The following FGF13 variants were observed in gnomAD, a reference collection of about 807,000 sequenced individuals.
FGF13 encodes fibroblast growth factor 13.
A neutral mutation model predicts 19.5 loss-of-function variants in FGF13; 2 were observed. That is an observed-to-expected ratio of 0.10 (90% CI 0.04 to 0.32). The LOEUF (loss-of-function observed/expected upper bound fraction) is 0.32, where lower values mean the gene tolerates loss of function less well. Among genes scored for constraint, FGF13 ranks in the 10% least tolerant of loss-of-function variants. The pLI is 1.00. For missense variants in FGF13, 113 were observed against 192.7 expected, an observed-to-expected ratio of 0.59 and a Z score of 2.45; for synonymous variants, 72 against 76.9, an observed-to-expected ratio of 0.94 and a Z score of 0.33.
chrX:138,664,877 C>T (rs2089525418), intron 3 of FGF13, among the ~76,000 whole-genome samples: 1 of 111,144 alleles, frequency 9.0e-6, no homozygotes, highest in Admixed American at 9.6e-5. Context: ...AGGAAGTTCC[C>T]TTCTCATCCT....
At chrX:139,172,179 T>G (rs1211556407) in intron 1 of FGF13, among the ~76,000 whole-genome samples, 1 of 112,117 alleles carries the variant, frequency 8.9e-6, no homozygotes. Context: ...TCCCATATAC[T>G]TTCACAAATA....
At chrX:138,791,229 A>T in intron 3 of FGF13, among the ~76,000 whole-genome samples, 1 of 111,901 alleles carries the variant, frequency 8.9e-6, no homozygotes, top group Non-Finnish European at 1.9e-5. Flanking sequence ...TAAATACCAC[A>T]CCATCTTATA....
In FGF13 at chrX:138,996,277, C is replaced by G. The variant is rs767166494; in HGVS notation, c.-112-131627G>C. On this transcript the variant is annotated intron_variant, in intron 1 of 2. Coordinates refer to the FGF13 transcript ENST00000421460. ...AGTTGGGGGATTTCCCTTTCCTACCCAAGGGAAGCCGTGAGAGACTTCCAG... is the reference window on the plus strand; with the variant it reads ...AGTTGGGGGATTTCCCTTTCCTACCGAAGGGAAGCCGTGAGAGACTTCCAG... Among the ~76,000 whole-genome samples, 11 of 112,420 alleles carry G rather than the reference C, an allele frequency of 9.8e-5. No homozygotes were observed. In the South Asian group the frequency reaches 4.1e-3, roughly 42 times the overall value.
intron 1 of FGF13, among the ~76,000 whole-genome samples, chrX:139,026,778 G>A (rs1487287426): frequency 8.9e-6 from 1 of 111,922 alleles, no homozygotes; most frequent in Non-Finnish European, 1.9e-5. Flanking sequence ...AACCTTTGTT[G>A]CTGCTCCAAC....
chrX:139,175,114 C>A lies in FGF13; in HGVS notation c.-113+28302G>T, dbSNP rs1345433787. 8.1e-5 allele frequency among the ~76,000 whole-genome samples: 9 copies of A among 111,520 alleles called. No homozygotes were observed. The Admixed American group carries it at 8.6e-4, about 11-fold the overall frequency. ...TTCTCCTTGAAGAGGTCCTTCACAT[C>A]CCTTGTAAGTTGGATTCCTAGGTAT... On this transcript the variant is annotated intron_variant, in intron 1 of 2. Transcript: ENST00000421460.
chrX:139,000,889 C>A (rs1418945999), intron 1 of FGF13, among the ~76,000 whole-genome samples: 1 of 111,755 alleles, frequency 8.9e-6, no homozygotes, highest in Non-Finnish European at 1.9e-5. Flanking sequence ...CAATCCTAAG[C>A]CAAAAGAACA....
intron 3 of FGF13, among the ~76,000 whole-genome samples, chrX:138,761,685 A>AT (rs2090467788): frequency 8.9e-6 from 1 of 111,860 alleles, no homozygotes; most frequent in Non-Finnish European, 1.9e-5. Context: ...TGTTTGCCCC[A>AT]TATGTCCACC....
At chrX:138,814,431 G>GA (rs895608886) in intron 3 of FGF13, among the ~76,000 whole-genome samples, 6 of 108,396 alleles carry the variant, frequency 5.5e-5, no homozygotes, top group Admixed American at 9.9e-5. Flanking sequence ...CTATGGAATG[G>GA]AAAAAAAAAT....
chrX:138,831,204 G>A (rs947960503), intron 3 of FGF13, among the ~76,000 whole-genome samples: 1 of 111,918 alleles, frequency 8.9e-6, no homozygotes, highest in African/African-American at 3.3e-5. Context: ...ATATTTCAAA[G>A]GATGTTGTGG....
At chrX:138,761,799 G>A (rs2090468548) in intron 3 of FGF13, among the ~76,000 whole-genome samples, 4 of 111,249 alleles carry the variant, frequency 3.6e-5, no homozygotes. Flanking sequence ...TGACTTTCCT[G>A]ACTCTGCATT....
chrX:139,112,641 C>T lies in FGF13; in HGVS notation c.-113+90775G>A, dbSNP rs147855659. ...GCTCTACAACTTACTAGCTACATAA[C>T]CCTTGGCAAGCTGCTTCGCTTTACC... On this transcript the variant is annotated intron_variant, in intron 1 of 2. Coordinates refer to the FGF13 transcript ENST00000421460. Among the ~76,000 whole-genome samples the T allele has an allele frequency of 8.6e-3, 958 of 111,711 alleles. 13 individuals carry two copies. The highest frequency in any genetic ancestry group is 0.028 in the African/African-American group (875 of 30,726).
chrX:139,055,557 G>C (rs751796198), intron 1 of FGF13, among the ~76,000 whole-genome samples: 81 of 112,412 alleles, frequency 7.2e-4, no homozygotes, highest in African/African-American at 2.6e-3. Flanking sequence ...GATGTCTATG[G>C]TGTTAGCTAT....
chrX:138,869,757 A>G (rs1265521994), intron 1 of FGF13, among the ~76,000 whole-genome samples: 3 of 112,369 alleles, frequency 2.7e-5, no homozygotes, highest in African/African-American at 9.7e-5. Context: ...CCATTAAACA[A>G]TTCTAATAGA....
At chrX:139,162,733 A>T (rs910830632) in intron 1 of FGF13, among the ~76,000 whole-genome samples, 1 of 112,424 alleles carries the variant, frequency 8.9e-6, no homozygotes, top group Non-Finnish European at 1.9e-5. Context: ...TGGGCAAAAG[A>T]TATGAACAGA....
chrX:138,861,199 G>A (rs1246803847), intron 2 of FGF13, among the ~76,000 whole-genome samples: 3 of 112,171 alleles, frequency 2.7e-5, no homozygotes, highest in African/African-American at 6.5e-5. Context: ...CAGTCAGGGA[G>A]CAGTCATGGT....
chrX:138,929,306 C>T lies in FGF13; in HGVS notation c.-112-64656G>A, dbSNP rs768615917. 2.8e-5 allele frequency among the ~76,000 whole-genome samples: 3 copies of T among 108,235 alleles called. No homozygotes were observed. The South Asian group carries it at 1.2e-3, about 44-fold the overall frequency. The allele number at this position is 108,235 out of a possible 115,157, so 94.0% of individuals were successfully genotyped here. A position where few individuals can be genotyped will look rare whatever the true frequency, so the allele number is the denominator to read the frequency against. On this transcript the variant is annotated intron_variant, in intron 1 of 2. Coordinates refer to the FGF13 transcript ENST00000421460. ...GTGTTTAGTGTGGAGAAGAGATAAG[C>T]TTGAAGTGGTCTTTGAAGCAGCAAC...
At chrX:139,091,479 G>A (rs2083439926) in intron 1 of FGF13, among the ~76,000 whole-genome samples, 1 of 111,391 alleles carries the variant, frequency 9.0e-6, no homozygotes. Context: ...GGTTCTGTAG[G>A]GCCCAGAGGC....
chrX:138,924,997 T>A (rs2091665562), intron 1 of FGF13, among the ~76,000 whole-genome samples: 2 of 111,412 alleles, frequency 1.8e-5, no homozygotes. Context: ...TGAATTCAAG[T>A]AGCAGCAGGT....
intron 2 of FGF13, among the ~76,000 whole-genome samples, chrX:138,703,720 T>C (rs1236566616): frequency 8.9e-6 from 1 of 112,115 alleles, no homozygotes; most frequent in Non-Finnish European, 1.9e-5. Context: ...GTATTTCCTT[T>C]TTTCATTTTT....
Sources: gnomAD v4.1 joint callset for allele counts (sites outside exome capture counted in the v4.1 genomes callset) on GRCh38, gnomAD v4.1.1 for gene constraint, MANE v1.5 for transcripts, NCBI Gene and HGNC (gene_info 2026-07-23, HGNC 2026-07-21) for gene names.